Variants in SLC27A6 observed in about 807,000 individuals in gnomAD.
The protein encoded by SLC27A6 is solute carrier family 27 member 6.
A neutral mutation model predicts 63.9 loss-of-function variants in SLC27A6; 74 were observed. That is an observed-to-expected ratio of 1.16 (90% CI 0.96 to 1.40). The LOEUF (loss-of-function observed/expected upper bound fraction) is 1.40, where lower values mean the gene tolerates loss of function less well. Ranked by LOEUF, SLC27A6 falls within the 40% of genes most tolerant of loss-of-function variation. SLC27A6 has a pLI of 0.00. For synonymous variants in SLC27A6, 287 were observed against 260.8 expected (o/e 1.10, Z -0.97); for missense variants, 794 against 732.9 (o/e 1.08, Z -0.96).
At chr5:128,968,888 T>C (rs1028484830) in intron 1 of SLC27A6, among the ~76,000 whole-genome samples, 1 of 152,266 alleles carries the variant, frequency 6.6e-6, no homozygotes, top group Admixed American at 6.5e-5. Context: ...ATGGTTCTAA[T>C]GGTTTTAGGT....
chr5:129,029,823 C>T (rs1382352398), intron 9 of SLC27A6, 116 bp downstream of exon 9: 6 of 890,672 alleles, frequency 6.7e-6, no homozygotes, highest in African/African-American at 3.5e-5. Flanking sequence ...AGAGGCGTGG[C>T]GTGTAGAGTT....
At chr5:129,024,054 C>A (rs1752161159) in intron 6 of SLC27A6, among the ~76,000 whole-genome samples, 1 of 151,746 alleles carries the variant, frequency 6.6e-6, no homozygotes, top group Non-Finnish European at 1.5e-5. Flanking sequence ...GATGTGAAAC[C>A]ATGGATATGG....
At chr5:128,998,022 G>A (rs1333186739) in intron 4 of SLC27A6, among the ~76,000 whole-genome samples, 1 of 150,290 alleles carries the variant, frequency 6.7e-6, no homozygotes, top group Non-Finnish European at 1.5e-5. Flanking sequence ...ACTCATGCCT[G>A]TAATCCCAGC....
intron 1 of SLC27A6, among the ~76,000 whole-genome samples, chr5:128,980,411 G>A (rs1750542731): frequency 6.6e-6 from 1 of 152,220 alleles, no homozygotes; most frequent in South Asian, 2.1e-4. Context: ...CAGAAGCAGT[G>A]TTTGAATCCA....
intron 4 of SLC27A6, among the ~76,000 whole-genome samples, chr5:129,005,772 C>T (rs1161144306): frequency 6.6e-6 from 1 of 151,674 alleles, no homozygotes; most frequent in Non-Finnish European, 1.5e-5. Context: ...GCCACCATGC[C>T]TGGCTAATTT....
At chr5:129,030,679 G>A (rs547076203) in intron 9 of SLC27A6, among the ~76,000 whole-genome samples, 74 of 151,928 alleles carry the variant, frequency 4.9e-4, no homozygotes, top group Non-Finnish European at 7.9e-4. Flanking sequence ...GATAGTTGTA[G>A]ATTGACACGC....
intron 1 of SLC27A6, among the ~76,000 whole-genome samples, chr5:128,974,642 C>A (rs1197105002): frequency 1.3e-5 from 2 of 152,058 alleles, no homozygotes; most frequent in Admixed American, 6.6e-5. Flanking sequence ...AATCATTATA[C>A]CCCCAGGGAG....
intron 1 of SLC27A6, among the ~76,000 whole-genome samples, chr5:128,968,500 C>G (rs572388513): frequency 2.2e-4 from 33 of 152,294 alleles, no homozygotes; most frequent in Non-Finnish European, 2.4e-4. Context: ...ATTTGCATTT[C>G]TCTGATGGCC....
intron 1 of SLC27A6, among the ~76,000 whole-genome samples, chr5:128,971,728 T>G (rs946424907): frequency 2.6e-5 from 4 of 152,220 alleles, no homozygotes; most frequent in African/African-American, 9.6e-5. Context: ...TTTGCCAGTC[T>G]GTGTCTTTTC....
At chr5:128,996,936 C>T (rs533296877) in intron 4 of SLC27A6, among the ~76,000 whole-genome samples, 1 of 152,176 alleles carries the variant, frequency 6.6e-6, no homozygotes, top group East Asian at 1.9e-4. Context: ...CTTGGCTTTA[C>T]TTTGTACCTG....
rs753068637 is a variant in SLC27A6 at position 128,965,550 on chromosome 5, G to A, written c.-588G>A. ...GCTGAGCCCCTGCGCGGTTTCTGGTGCGTAGAGACTGTAAATCGCTGCGCT... is the reference window on the plus strand; with the variant it reads ...GCTGAGCCCCTGCGCGGTTTCTGGTACGTAGAGACTGTAAATCGCTGCGCT... On this transcript the variant is annotated 5_prime_UTR_variant, in exon 1 of 10. Transcript: ENST00000262462. 4.6e-5 allele frequency: 7 copies of A among 152,306 alleles called. No individual in the cohort carries two copies. Among genetic ancestry groups the A allele is most frequent in the Non-Finnish European group, 1.0e-4 (7 of 68,128 alleles). The allele number at this position is 152,306 out of a possible 1,614,324, so 9.4% of individuals were successfully genotyped here. A position where few individuals can be genotyped will look rare whatever the true frequency, so the allele number is the denominator to read the frequency against.
At chr5:129,002,676 A>G (rs1013343410) in intron 4 of SLC27A6, among the ~76,000 whole-genome samples, 3 of 152,200 alleles carry the variant, frequency 2.0e-5, no homozygotes, top group African/African-American at 7.2e-5. Flanking sequence ...AGAGCAGACA[A>G]CAATCCCTGC....
intron 5 of SLC27A6, among the ~76,000 whole-genome samples, chr5:129,023,203 T>C (rs990606739): frequency 6.6e-6 from 1 of 152,128 alleles, no homozygotes; most frequent in Non-Finnish European, 1.5e-5. Context: ...TAACACAATT[T>C]TTGAATTAAT....
intron 4 of SLC27A6, among the ~76,000 whole-genome samples, chr5:129,000,767 G>T (rs1171859749): frequency 6.6e-6 from 1 of 152,090 alleles, no homozygotes; most frequent in East Asian, 1.9e-4. Flanking sequence ...CTTTTCTTAG[G>T]TGATTTAACA....
chr5:129,007,066 T>G (rs968379494), intron 4 of SLC27A6, among the ~76,000 whole-genome samples: 3 of 152,166 alleles, frequency 2.0e-5, no homozygotes, highest in Admixed American at 6.5e-5. Context: ...TATATAGATT[T>G]TTTTGCTTAT....
At chr5:128,975,409 A>T (rs1750341571) in intron 1 of SLC27A6, among the ~76,000 whole-genome samples, 1 of 152,210 alleles carries the variant, frequency 6.6e-6, no homozygotes, top group Non-Finnish European at 1.5e-5. Context: ...TTGTGTGAAC[A>T]TCATAGAGTG....
At chr5:128,970,938 A>G (rs569360670) in intron 1 of SLC27A6, among the ~76,000 whole-genome samples, 1 of 152,274 alleles carries the variant, frequency 6.6e-6, no homozygotes, top group Non-Finnish European at 1.5e-5. Flanking sequence ...AATGTTTTCC[A>G]GAGATTCTGA....
chr5:128,967,126 C>T (rs994058877), intron 1 of SLC27A6, among the ~76,000 whole-genome samples: 1 of 152,144 alleles, frequency 6.6e-6, no homozygotes, highest in African/African-American at 2.4e-5. Flanking sequence ...GGTTGCGCTC[C>T]CACCTGTGAG....
At chr5:129,031,062 C>T (rs1287367217) in intron 9 of SLC27A6, among the ~76,000 whole-genome samples, 1 of 151,844 alleles carries the variant, frequency 6.6e-6, no homozygotes, top group Non-Finnish European at 1.5e-5. Context: ...TCCAAGGCAA[C>T]ATAAAATTCA....
Sources: gnomAD v4.1 joint callset for allele counts (sites outside exome capture counted in the v4.1 genomes callset) on GRCh38, gnomAD v4.1.1 for gene constraint, MANE v1.5 for transcripts, NCBI Gene and HGNC (gene_info 2026-07-23, HGNC 2026-07-21) for gene names.